The following RNF19A variants were observed in gnomAD, a reference collection of about 807,000 sequenced individuals.
The protein encoded by RNF19A is ring finger protein 19A, RBR E3 ubiquitin protein ligase.
In RNF19A, 32 loss-of-function variants were observed where a neutral mutation model predicts 75.7. The observed-to-expected ratio is 0.42, with a 90% CI of 0.32 to 0.57. The LOEUF is 0.57. Ranked by LOEUF, RNF19A falls within the 20% of genes least tolerant of loss-of-function variation. RNF19A has a pLI of 0.10. For synonymous variants in RNF19A, 335 were observed against 345.2 expected (o/e 0.97, Z 0.33); for missense variants, 782 against 1,036.3 (o/e 0.75, Z 3.37).
exon 1 of RNF19A, chr8:100,336,150 G>C (rs6997663): frequency 0.027 from 4,189 of 152,362 alleles, 178 homozygotes; most frequent in African/African-American, 0.095. Flanking sequence ...GCAGGGCATG[G>C]GTCCCACACT....
At chr8:100,270,347 G>C (rs1175354563) in intron 3 of RNF19A, among the ~76,000 whole-genome samples, 1 of 152,066 alleles carries the variant, frequency 6.6e-6, no homozygotes, top group African/African-American at 2.4e-5. Context: ...TGGTCCCATA[G>C]AAGTCTTCTG....
rs1212195660 is a variant in RNF19A at position 100,309,403 on chromosome 8, G to C, written c.-94+464C>G. On this transcript the variant is annotated intron_variant, in intron 1 of 9. Coordinates refer to ENST00000341084, the MANE Select transcript of RNF19A (RefSeq NM_183419.4). ...CGAGGCCCGGAAATCGGTCCCGTTAGAGCCGATTTCACCCGTCAGGAATGC... is the reference window on the plus strand; with the variant it reads ...CGAGGCCCGGAAATCGGTCCCGTTACAGCCGATTTCACCCGTCAGGAATGC... The C allele has an allele frequency of 1.2e-5, 12 of 985,654 alleles. No homozygotes were observed. The East Asian group carries it at 4.5e-4, about 37-fold the overall frequency. 61.1% of individuals were successfully genotyped at this position (985,654 alleles called of 1,614,324 possible). A position where few individuals can be genotyped will look rare whatever the true frequency, so the allele number is the denominator to read the frequency against.
At chr8:100,280,381 G>A (rs907340594) in intron 2 of RNF19A, among the ~76,000 whole-genome samples, 1 of 152,160 alleles carries the variant, frequency 6.6e-6, no homozygotes, top group Non-Finnish European at 1.5e-5. Context: ...GATGAGGAGA[G>A]AGGAAGACAG....
In RNF19A at chr8:100,264,444, G is replaced by T; in HGVS notation, c.1306+227C>A. 1.8e-6 allele frequency: 1 copy of T among 571,270 alleles called. No individual in the cohort carries two copies. Among genetic ancestry groups the T allele is most frequent in the Non-Finnish European group, 3.1e-6 (1 of 326,676 alleles). 35.4% of individuals were successfully genotyped at this position (571,270 alleles called of 1,614,324 possible). A position where few individuals can be genotyped will look rare whatever the true frequency, so the allele number is the denominator to read the frequency against. Reference sequence around the variant, plus strand: ...AAACTTTTTTCTTTTGAAGTGCCAGGCCTCCGAACTGTACTTGGGGTGGAG... The same window carrying T: ...AAACTTTTTTCTTTTGAAGTGCCAGTCCTCCGAACTGTACTTGGGGTGGAG... On this transcript the variant is annotated intron_variant, in intron 6 of 9. Coordinates refer to ENST00000341084, the MANE Select transcript of RNF19A (RefSeq NM_183419.4). This position sits in a 1 kb window ranked among gnomAD's most constrained non-coding sequence, Gnocchi z 4.7.
At chr8:100,290,953 C>T (rs2129985682) in intron 1 of RNF19A, among the ~76,000 whole-genome samples, 1 of 152,240 alleles carries the variant, frequency 6.6e-6, no homozygotes, top group South Asian at 2.1e-4. Context: ...TAAATCCAAC[C>T]AGAAGCCAAC....
chr8:100,321,828 T>C (rs1380733248), intron 1 of RNF19A, among the ~76,000 whole-genome samples: 1 of 152,236 alleles, frequency 6.6e-6, no homozygotes, highest in Non-Finnish European at 1.5e-5. Flanking sequence ...ACTAGGTGAA[T>C]TGTCAGTGAG....
At chr8:100,327,605 A>G (rs911548126) in intron 1 of RNF19A, among the ~76,000 whole-genome samples, 1 of 152,138 alleles carries the variant, frequency 6.6e-6, no homozygotes, top group African/African-American at 2.4e-5. Flanking sequence ...ACTCTCTCCT[A>G]TAGGTGATGT....
intron 1 of RNF19A, among the ~76,000 whole-genome samples, chr8:100,319,342 A>G (rs1822431043): frequency 6.6e-6 from 1 of 152,088 alleles, no homozygotes; most frequent in Non-Finnish European, 1.5e-5. Context: ...TCAGAAAATA[A>G]GGTAATAAAT....
In RNF19A at chr8:100,269,061, T is replaced by C. The variant is rs1470096548; in HGVS notation, c.1029-114A>G. 1 of 711,044 alleles carries C rather than the reference T, an allele frequency of 1.4e-6. No homozygotes were observed. The highest frequency in any genetic ancestry group is 2.1e-6 in the Non-Finnish European group (1 of 479,128). The allele number at this position is 711,044 out of a possible 1,614,324, so 44.0% of individuals were successfully genotyped here. ...AAAACTTCTCATAGTTAGGAGCTTT[T>C]TTCCCCTTTAAATTCTGAGTTCATT... On this transcript the variant is annotated intron_variant, in intron 4 of 9. Transcript: ENST00000341084. The surrounding 1 kb of genome is among the most constrained non-coding windows in gnomAD (Gnocchi z 5.7).
At chr8:100,301,574 T>C (rs1348419837) in intron 1 of RNF19A, among the ~76,000 whole-genome samples, 4 of 152,254 alleles carry the variant, frequency 2.6e-5, no homozygotes, top group African/African-American at 2.4e-5. Flanking sequence ...TGAATTTTCC[T>C]ACGCCTTTGT....
Position 100,268,850 on chromosome 8 carries a change from C to T in RNF19A, c.1126G>A (p.Ala376Thr), listed in dbSNP as rs1444686269. Residue 376 changes from alanine (A) to threonine (T), a missense_variant, in exon 5 of 10, where the codon GCT becomes ACT. Coordinates refer to ENST00000341084, the MANE Select transcript of RNF19A (RefSeq NM_183419.4). ...GTLVGAPVGI[A>T]LIAGIAIPAM... ...GGAATAGCAATGCCAGCTATTAAAG[C>T]GATTCCGACAGGAGCACCAACCAGT... The T allele has an allele frequency of 3.1e-6, 5 of 1,602,778 alleles. No individual in the cohort carries two copies. The highest frequency in any genetic ancestry group is 2.2e-5 in the South Asian group (2 of 89,768).
chr8:100,259,262 A>T lies in RNF19A; in HGVS notation c.1827-16T>A. ...GTTGCCTTCTCTGAAATATAAGAGT[A>T]ACAAATACAAACATAATTGCTGACT... On this transcript the variant is annotated splice_polypyrimidine_tract_variant and intron_variant, in intron 9 of 9. Coordinates refer to ENST00000341084, the MANE Select transcript of RNF19A (RefSeq NM_183419.4). The surrounding 1 kb of genome is among the most constrained non-coding windows in gnomAD (Gnocchi z 4.5). 6.4e-7 allele frequency: 1 copy of T among 1,572,386 alleles called. No homozygotes were observed. The highest frequency in any genetic ancestry group is 8.6e-7 in the Non-Finnish European group (1 of 1,156,170).
At chr8:100,309,629 G>A (rs1822217161) in intron 1 of RNF19A, 3 of 933,008 alleles carry the variant, frequency 3.2e-6, no homozygotes, top group Admixed American at 1.2e-4. Flanking sequence ...AGACGCCCGC[G>A]CCTGGGCCGG....
At chr8:100,283,085 T>C (rs999990302) in intron 2 of RNF19A, among the ~76,000 whole-genome samples, 1 of 152,226 alleles carries the variant, frequency 6.6e-6, no homozygotes, top group African/African-American at 2.4e-5. Context: ...GGAGGATCCT[T>C]GGGAGGCTCA....
rs185074687 is a variant in RNF19A at position 100,328,983 on chromosome 8, T to C, written c.-243+7125A>G. Among the ~76,000 whole-genome samples the C allele has an allele frequency of 3.2e-4, 48 of 152,288 alleles. No individual in the cohort carries two copies. The East Asian group carries it at 8.7e-3, about 28-fold the overall frequency. On this transcript the variant is annotated intron_variant, in intron 1 of 3. Coordinates refer to the RNF19A transcript ENST00000519527. The stretch of plus-strand genomic sequence containing the variant: ...GAGGTGGATCTAGGAATCTGGGTCT[T>C]GCGCAGGTTTATCAGTTTGGCTACA...
chr8:100,309,022 G>A (rs1038551597), intron 1 of RNF19A, among the ~76,000 whole-genome samples: 1 of 152,074 alleles, frequency 6.6e-6, no homozygotes, highest in East Asian at 1.9e-4. Context: ...TGCCCTTGTC[G>A]CGGGGTTAAT....
At position 100,261,430 on chromosome 8, in the gene RNF19A, C is replaced by T; in HGVS notation, c.1682+112G>A. The T allele has an allele frequency of 1.1e-6, 1 of 949,126 alleles. No homozygotes were observed. Among genetic ancestry groups the T allele is most frequent in the Non-Finnish European group, 1.6e-6 (1 of 615,172 alleles). The allele number at this position is 949,126 out of a possible 1,614,324, so 58.8% of individuals were successfully genotyped here. A position where few individuals can be genotyped will look rare whatever the true frequency, so the allele number is the denominator to read the frequency against. The stretch of plus-strand genomic sequence containing the variant: ...TCATTTTTAACATTACTATTTTGAA[C>T]CTTGACATAGTAGGGTTATATATAA... On this transcript the variant is annotated intron_variant, in intron 8 of 9. Coordinates refer to ENST00000341084, the MANE Select transcript of RNF19A (RefSeq NM_183419.4). This position sits in a 1 kb window ranked among gnomAD's most constrained non-coding sequence, Gnocchi z 4.4.
intron 1 of RNF19A, among the ~76,000 whole-genome samples, chr8:100,301,863 G>T (rs1586675775): frequency 6.6e-6 from 1 of 152,302 alleles, no homozygotes; most frequent in Non-Finnish European, 1.5e-5. Context: ...GGTGATCACA[G>T]TCTCATTGAA....
intron 7 of RNF19A, 138 bp downstream of exon 7, chr8:100,263,896 C>T (rs1021804663): frequency 4.7e-6 from 3 of 643,066 alleles, no homozygotes; most frequent in Non-Finnish European, 7.7e-6. Context: ...AGTTTATTCA[C>T]TTATGTACTT....
Sources: gnomAD v4.1 joint callset for allele counts (sites outside exome capture counted in the v4.1 genomes callset) on GRCh38, gnomAD v4.1.1 for gene constraint, Gnocchi (gnomAD v3.1) non-coding constraint, MANE v1.5 for transcripts, NCBI Gene and HGNC (gene_info 2026-07-23, HGNC 2026-07-21) for gene names.